PRSS12: variants seen among roughly 807,000 people sequenced by gnomAD.
The protein encoded by PRSS12 is neurotrypsin.
In PRSS12, 85 loss-of-function variants were observed where a neutral mutation model predicts 104.4. The observed-to-expected ratio is 0.81, with a 90% confidence interval of 0.68 to 0.98. The LOEUF (loss-of-function observed/expected upper bound fraction) is 0.98. PRSS12 is among the 50% of genes least tolerant of loss of function. PRSS12 has a pLI of 0.00. For synonymous variants in PRSS12, 454 were observed against 425.2 expected, an observed-to-expected ratio of 1.07 and a Z score of -0.83; for missense variants, 1,141 against 1,139.2, an observed-to-expected ratio of 1.00 and a Z score of -0.02.
intron 1 of PRSS12, among the ~76,000 whole-genome samples, chr4:118,346,734 G>C (rs915199079): frequency 2.0e-5 from 3 of 152,162 alleles, no homozygotes; most frequent in African/African-American, 7.2e-5. Context: ...TGCCTCCTAA[G>C]CTCTGCCTCC....
intron 4 of PRSS12, among the ~76,000 whole-genome samples, chr4:118,328,197 T>C (rs962477604): frequency 7.2e-5 from 11 of 152,300 alleles, no homozygotes; most frequent in African/African-American, 1.9e-4. Flanking sequence ...TGCAAACTTA[T>C]GAGAGAACTA....
At chr4:118,282,300 C>T in intron 12 of PRSS12, 57 bp from the exon 13 acceptor site, 1 of 1,594,376 alleles carries the variant, frequency 6.3e-7, no homozygotes, top group African/African-American at 1.3e-5. Context: ...CAACATTTAA[C>T]AGTTACTGAG....
At chr4:118,284,587 G>A (rs996133439) in intron 11 of PRSS12, among the ~76,000 whole-genome samples, 1 of 152,218 alleles carries the variant, frequency 6.6e-6, no homozygotes, top group South Asian at 2.1e-4. Context: ...CACACATACC[G>A]TTATTTCTGC....
rs578142364 is a variant in PRSS12, at chr4:118,282,296, T to G, written c.2321-53A>C. On this transcript the variant is annotated intron_variant, in intron 12 of 12. Coordinates refer to ENST00000296498, the MANE Select transcript of PRSS12 (RefSeq NM_003619.4). ...GCATTCCAGATAACCATCGCAACATTTAACAGTTACTGAGCATGTAATAGT... is the reference window on the plus strand; with the variant it reads ...GCATTCCAGATAACCATCGCAACATGTAACAGTTACTGAGCATGTAATAGT... 1.5e-5 allele frequency: 24 copies of G among 1,599,788 alleles called. No individual in the cohort carries two copies. In the African/African-American group the frequency reaches 2.8e-4, roughly 19 times the overall value.
In PRSS12 at chr4:118,331,775, A is replaced by G. The variant is rs2126040468; in HGVS notation, c.912T>C (p.Val304=). ...CGGCATCATCCCATTGGTCATCACAAACGGTTCCCCACTGGCCAGCATGGT... is the reference window on the plus strand; with the variant it reads ...CGGCATCATCCCATTGGTCATCACAGACGGTTCCCCACTGGCCAGCATGGT... ...ELYHAGQWGT[V]CDDQWDDADA... Residue 304 remains valine (V), a synonymous_variant, in exon 4 of 13, where the codon GTT becomes GTC. Transcript: ENST00000296498. 6.2e-7 allele frequency: 1 copy of G among 1,614,174 alleles called. No individual in the cohort carries two copies. The highest frequency in any genetic ancestry group is 8.5e-7 in the Non-Finnish European group (1 of 1,180,024).
chr4:118,318,608 CT>C lies in PRSS12; in HGVS notation c.972-53del, dbSNP rs778872795. The C allele has an allele frequency of 1.5e-5, 23 of 1,553,544 alleles. 1 individual carries two copies. The African/African-American group carries it at 2.5e-4, about 17-fold the overall frequency. ...TCTGGATTAGATACCAAAGATTGGT[CT>C]TTTATTTTTTTTTTGTCCCTAGTAA... is the stretch of plus-strand genomic sequence containing the variant. On this transcript the variant is annotated intron_variant, in intron 4 of 12. Transcript: ENST00000296498.
At chr4:118,308,780 C>A (rs577948735) in intron 7 of PRSS12, among the ~76,000 whole-genome samples, 7 of 152,284 alleles carry the variant, frequency 4.6e-5, no homozygotes, top group South Asian at 2.1e-4. Flanking sequence ...AAAGTGCTCA[C>A]CTTGCTCAAC....
At position 118,316,208 on chromosome 4, in the gene PRSS12, G is replaced by C; in HGVS notation, c.1266C>G (p.Tyr422Ter). The C allele has an allele frequency of 6.2e-7, 1 of 1,613,956 alleles. No homozygotes were observed. The highest frequency in any genetic ancestry group is 8.5e-7 in the Non-Finnish European group (1 of 1,179,978). ...CDDGWTELNT[Y>*]VVCRQLGFKY... ...TAAATCCCAATTGTCGACAAACCAC[G>C]TATGTATTCAGCTCAGTCCAGCCAT... Residue 422 changes from tyrosine to a stop codon, truncating the protein, a stop_gained, in exon 6 of 13, where the codon TAC (tyrosine) becomes TAG (stop). Transcript: ENST00000296498. LOFTEE classifies it high-confidence loss of function.
In PRSS12 at chr4:118,295,004, C is replaced by T. The variant is rs371384574; in HGVS notation, c.1974G>A (p.Arg658=). 6 of 1,614,024 alleles carry T rather than the reference C, an allele frequency of 3.7e-6. No homozygotes were observed. In the African/African-American group the frequency reaches 8.0e-5, roughly 22 times the overall value. The change falls in exon 11 of 13, where the codon AGG becomes AGA. Residue 658 remains arginine (R), a synonymous_variant. Coordinates refer to ENST00000296498, the MANE Select transcript of PRSS12 (RefSeq NM_003619.4). ...TCAGGAGCGTAGCCCCGCAGAGGAGCCTGCCATCTCCATGGGATGACTTCA... is the reference window on the plus strand; with the variant it reads ...TCAGGAGCGTAGCCCCGCAGAGGAGTCTGCCATCTCCATGGGATGACTTCA... ...LRLKSSHGDG[R]LLCGATLLSS...
intron 1 of PRSS12, among the ~76,000 whole-genome samples, chr4:118,342,785 C>A (rs550855898): frequency 6.6e-6 from 1 of 152,184 alleles, no homozygotes; most frequent in Non-Finnish European, 1.5e-5. Flanking sequence ...CAGAATTCTA[C>A]TATCTTAATT....
At chr4:118,283,945 T>C (rs1382997720) in intron 11 of PRSS12, among the ~76,000 whole-genome samples, 1 of 147,096 alleles carries the variant, frequency 6.8e-6, no homozygotes, top group Non-Finnish European at 1.5e-5. Flanking sequence ...ATGCAAAAAA[T>C]TGATTAAGTT....
chr4:118,313,520 T>C, intron 6 of PRSS12, 123 bp from the exon 7 acceptor site: 2 of 1,059,388 alleles, frequency 1.9e-6, no homozygotes, highest in Non-Finnish European at 2.8e-6. Flanking sequence ...ATCTGTTCTT[T>C]CTCCTACCTT....
intron 3 of PRSS12, among the ~76,000 whole-genome samples, chr4:118,333,099 A>G (rs761172390): frequency 1.2e-4 from 18 of 152,202 alleles, no homozygotes; most frequent in Non-Finnish European, 2.4e-4. Context: ...GGGATTTGGA[A>G]GTCAGAGATG....
chr4:118,299,384 T>C (rs1158417606), intron 8 of PRSS12, among the ~76,000 whole-genome samples: 1 of 152,016 alleles, frequency 6.6e-6, no homozygotes, highest in African/African-American at 2.4e-5. Flanking sequence ...AGAAGAAAAA[T>C]GTACAATTTT....
At chr4:118,282,728 A>G in intron 12 of PRSS12, 103 bp downstream of exon 12, 2 of 1,528,518 alleles carry the variant, frequency 1.3e-6, no homozygotes, top group Non-Finnish European at 1.8e-6. Context: ...ATTTCTCCAA[A>G]TAAGTCTGAA....
intron 5 of PRSS12, among the ~76,000 whole-genome samples, chr4:118,317,253 G>A (rs1014761057): frequency 6.6e-6 from 1 of 151,886 alleles, no homozygotes; most frequent in African/African-American, 2.4e-5. Flanking sequence ...TAATTAATTT[G>A]CCTATAATTC....
At chr4:118,323,606 T>A (rs1323548553) in intron 4 of PRSS12, among the ~76,000 whole-genome samples, 1 of 151,774 alleles carries the variant, frequency 6.6e-6, no homozygotes, top group Non-Finnish European at 1.5e-5. Flanking sequence ...TAACCTTGGA[T>A]GTAAGAGAGA....
chr4:118,348,857 G>A (rs1242087489), intron 1 of PRSS12, among the ~76,000 whole-genome samples: 1 of 152,018 alleles, frequency 6.6e-6, no homozygotes, highest in Non-Finnish European at 1.5e-5. Flanking sequence ...TCTCCACATT[G>A]GTCAGCCTGG....
At chr4:118,320,189 T>G (rs993346752) in intron 4 of PRSS12, among the ~76,000 whole-genome samples, 1 of 152,184 alleles carries the variant, frequency 6.6e-6, no homozygotes, top group Non-Finnish European at 1.5e-5. Context: ...ATTTTTAGTT[T>G]GTTTTTCAAT....
Sources: allele counts gnomAD v4.1 joint callset (sites outside exome capture counted in the v4.1 genomes callset), GRCh38; gene constraint gnomAD v4.1.1; transcripts MANE v1.5; gene names NCBI Gene and HGNC (gene_info 2026-07-23, HGNC 2026-07-21).